PRPSAP2: variants seen among roughly 807,000 people sequenced by gnomAD.
PRPSAP2 encodes phosphoribosyl pyrophosphate synthase-associated protein 2.
PRPSAP2 carries 24 observed loss-of-function variants against 40.6 expected under a neutral mutation model. The ratio of observed to expected loss-of-function variants is 0.59; its 90% CI spans 0.43 to 0.83. The LOEUF is 0.83. Ranked by LOEUF, PRPSAP2 falls within the 40% of genes least tolerant of loss-of-function variation. The probability of loss-of-function intolerance (pLI) is 0.00; values close to 1 mark genes in which losing one functional copy is unlikely to be tolerated. For missense variants in PRPSAP2, 292 were observed against 465.6 expected (o/e 0.63, Z 3.43); for synonymous variants, 149 against 164.7 (o/e 0.90, Z 0.73).
rs776079785 is a variant in PRPSAP2 at position 18,911,057 on chromosome 17, C to A, written c.585-46C>A. On this transcript the variant is annotated intron_variant, in intron 8 of 11. Transcript: ENST00000268835. This position sits in a 1 kb window ranked among gnomAD's most constrained non-coding sequence, Gnocchi z 4.5. ...TTTGTCCCCTAGGCATTAGCAGAAC[C>A]AAGGGCTGCATGAGTTTTGAGCTTG... 2.6e-6 allele frequency: 4 copies of A among 1,559,254 alleles called. No individual in the cohort carries two copies. Among genetic ancestry groups the A allele is most frequent in the Non-Finnish European group, 3.5e-6 (4 of 1,147,246 alleles).
At chr17:18,872,774 G>T in intron 5 of PRPSAP2, 125 bp downstream of exon 5, 1 of 709,392 alleles carries the variant, frequency 1.4e-6, no homozygotes, top group Non-Finnish European at 2.3e-6. Context: ...TACCAATTTA[G>T]AATTTAGAAA....
chr17:18,886,929 CTTTTTTTT>C (rs71155365), intron 7 of PRPSAP2, among the ~76,000 whole-genome samples: 1 of 75,372 alleles, frequency 1.3e-5, no homozygotes, highest in Non-Finnish European at 2.4e-5. Context: ...TTCTTTTCTT[CTTTTTTTT>C]TTTTTTTTTT....
At chr17:18,900,182 G>GCCAGAGT (rs2040181218) in intron 8 of PRPSAP2, among the ~76,000 whole-genome samples, 1 of 151,770 alleles carries the variant, frequency 6.6e-6, no homozygotes, top group African/African-American at 2.4e-5. Context: ...ACCGTGCCTG[G>GCCAGAGT]CTGCTAATTT....
At chr17:18,924,552 T>C (rs1332132495) in intron 10 of PRPSAP2, among the ~76,000 whole-genome samples, 1 of 151,780 alleles carries the variant, frequency 6.6e-6, no homozygotes, top group African/African-American at 2.4e-5. Flanking sequence ...GCCAATCGCT[T>C]GGGCTCAGGA....
In PRPSAP2 at chr17:18,930,771, C is replaced by T. The variant is rs1315735348; in HGVS notation, c.*73C>T. The T allele has an allele frequency of 2.2e-6, 3 of 1,356,434 alleles. No homozygotes were observed. The highest frequency in any genetic ancestry group is 3.0e-6 in the Non-Finnish European group (3 of 996,152). 84.0% of individuals were successfully genotyped at this position (1,356,434 alleles called of 1,614,324 possible). A position where few individuals can be genotyped will look rare whatever the true frequency, so the allele number is the denominator to read the frequency against. On this transcript the variant is annotated 3_prime_UTR_variant, in exon 12 of 12. Coordinates refer to ENST00000268835, the MANE Select transcript of PRPSAP2 (RefSeq NM_002767.4). ...TGACTGCTCGGTGGGATGGATTTCA[C>T]AGGAACCGTCATGCTTGTTCCTCCC...
chr17:18,875,583 G>A (rs75071648), intron 5 of PRPSAP2, among the ~76,000 whole-genome samples: 1 of 151,534 alleles, frequency 6.6e-6, no homozygotes, highest in Non-Finnish European at 1.5e-5. Flanking sequence ...AAAAAAAAAG[G>A]CTGGGCGAGG....
At chr17:18,901,082 G>T (rs1240456912) in intron 8 of PRPSAP2, among the ~76,000 whole-genome samples, 1 of 152,152 alleles carries the variant, frequency 6.6e-6, no homozygotes, top group Non-Finnish European at 1.5e-5. Flanking sequence ...TACTCATGCG[G>T]CGGAAATGTG....
intron 8 of PRPSAP2, among the ~76,000 whole-genome samples, chr17:18,892,876 A>G (rs1038758576): frequency 2.6e-5 from 4 of 151,696 alleles, no homozygotes; most frequent in African/African-American, 9.7e-5. Context: ...CTGGGATTAC[A>G]GGCATGCGCC....
chr17:18,862,907 G>A (rs1255716914), intron 1 of PRPSAP2, among the ~76,000 whole-genome samples: 2 of 150,960 alleles, frequency 1.3e-5, no homozygotes, highest in African/African-American at 2.4e-5. Flanking sequence ...TGCCCACTTC[G>A]CCTCCCAGGT....
At chr17:18,899,697 T>TTATTTTTGG (rs1455714453) in intron 8 of PRPSAP2, among the ~76,000 whole-genome samples, 1 of 150,920 alleles carries the variant, frequency 6.6e-6, no homozygotes, top group Non-Finnish European at 1.5e-5. Context: ...TCTTGCGAAT[T>TTATTTTTGG]TATTTTTGGT....
chr17:18,876,033 T>G (rs2151900459), intron 5 of PRPSAP2, among the ~76,000 whole-genome samples: 1 of 152,238 alleles, frequency 6.6e-6, no homozygotes, highest in Non-Finnish European at 1.5e-5. Context: ...CTCGGGAGGC[T>G]GAGACAGGAG....
At chr17:18,892,315 AG>A (rs767132224) in intron 8 of PRPSAP2, among the ~76,000 whole-genome samples, 1 of 151,908 alleles carries the variant, frequency 6.6e-6, no homozygotes, top group Non-Finnish European at 1.5e-5. Flanking sequence ...TGTTGGCATA[AG>A]TTTTCATTTT....
intron 8 of PRPSAP2, chr17:18,908,762 GAA>G (rs2040762797): frequency 1.7e-5 from 12 of 722,444 alleles, no homozygotes; most frequent in South Asian, 1.5e-4. Context: ...GGAGAGAAAA[GAA>G]AGGATCGGGC....
At chr17:18,892,891 T>C (rs1597635995) in intron 8 of PRPSAP2, among the ~76,000 whole-genome samples, 1 of 149,526 alleles carries the variant, frequency 6.7e-6, no homozygotes, top group Admixed American at 6.7e-5. Context: ...TGCGCCACCA[T>C]GCCTAGCTGT....
chr17:18,875,569 TAA>T (rs111730282), intron 5 of PRPSAP2, among the ~76,000 whole-genome samples: 1 of 129,798 alleles, frequency 7.7e-6, no homozygotes. Flanking sequence ...CATCTCGAAG[TAA>T]AAAAAAAAAA....
In PRPSAP2 at chr17:18,865,972, T is replaced by C; in HGVS notation, c.119+20T>C. On this transcript the variant is annotated intron_variant, in intron 3 of 11. Transcript: ENST00000268835. ...TGCAGAGTGAGTTATAATTGTACCA[T>C]TAAAATCTATATTCATTATGTGATG... The C allele has an allele frequency of 7.3e-7, 1 of 1,376,328 alleles. No homozygotes were observed. The highest frequency in any genetic ancestry group is 9.6e-7 in the Non-Finnish European group (1 of 1,044,108). 85.3% of individuals were successfully genotyped at this position (1,376,328 alleles called of 1,614,324 possible). A position where few individuals can be genotyped will look rare whatever the true frequency, so the allele number is the denominator to read the frequency against.
intron 10 of PRPSAP2, 62 bp from the exon 11 acceptor site, chr17:18,928,749 G>A (rs1456903507): frequency 6.3e-6 from 10 of 1,596,736 alleles, no homozygotes; most frequent in Non-Finnish European, 8.5e-6. Flanking sequence ...TTTTTTCCTG[G>A]TTGTCTAACC....
chr17:18,876,395 T>C (rs1311793856), intron 5 of PRPSAP2, among the ~76,000 whole-genome samples: 4 of 152,114 alleles, frequency 2.6e-5, no homozygotes, highest in Admixed American at 2.6e-4. Context: ...ATTAACAGGG[T>C]GAAAGTCTCT....
chr17:18,899,917 C>T (rs889714702), intron 8 of PRPSAP2, among the ~76,000 whole-genome samples: 4 of 148,100 alleles, frequency 2.7e-5, no homozygotes, highest in African/African-American at 7.5e-5. Flanking sequence ...GACTGAGTCT[C>T]GCTCTGTTGC....
Sources: allele counts gnomAD v4.1 joint callset (sites outside exome capture counted in the v4.1 genomes callset), GRCh38; gene constraint gnomAD v4.1.1; non-coding constraint Gnocchi (gnomAD v3.1); transcripts MANE v1.5; gene names NCBI Gene and HGNC (gene_info 2026-07-23, HGNC 2026-07-21).